BORCS5: variants seen among roughly 807,000 people sequenced by gnomAD.
BORCS5 encodes BLOC-1 related complex subunit 5.
Under a neutral mutation model 22.1 loss-of-function variants are expected in BORCS5, and 17 were observed. That is an observed-to-expected ratio of 0.77 (90% confidence interval 0.53 to 1.15). The LOEUF (loss-of-function observed/expected upper bound fraction) is 1.15. BORCS5 is among the 50% of genes most tolerant of loss of function. The pLI is 0.00. For synonymous variants in BORCS5, 117 were observed against 99.8 expected, an observed-to-expected ratio of 1.17 and a Z score of -1.03; for missense variants, 247 against 253.2, an observed-to-expected ratio of 0.98 and a Z score of 0.17.
At chr12:12,456,632 C>T (rs1395338842) in intron 3 of BORCS5, among the ~76,000 whole-genome samples, 2 of 152,004 alleles carry the variant, frequency 1.3e-5, no homozygotes, top group Non-Finnish European at 2.9e-5. Context: ...CGCATGTACG[C>T]CTATGTATTT....
chr12:12,378,082 C>T (rs1177344795), intron 2 of BORCS5, among the ~76,000 whole-genome samples: 1 of 152,102 alleles, frequency 6.6e-6, no homozygotes, highest in Non-Finnish European at 1.5e-5. Context: ...GTTTTAAAGT[C>T]TATTATAGGC....
At chr12:12,357,882 T>C (rs1592045502) in intron 1 of BORCS5, among the ~76,000 whole-genome samples, 1 of 152,348 alleles carries the variant, frequency 6.6e-6, no homozygotes, top group East Asian at 1.9e-4. Flanking sequence ...GTCTGTTTCT[T>C]AAAAACGGGT....
chr12:12,452,635 CT>C (rs1942933100), intron 3 of BORCS5, among the ~76,000 whole-genome samples: 1 of 152,224 alleles, frequency 6.6e-6, no homozygotes, highest in South Asian at 2.1e-4. Context: ...TTGCAAACTA[CT>C]GTCTTCAGAA....
chr12:12,366,365 T>C (rs1186200042), intron 2 of BORCS5, among the ~76,000 whole-genome samples: 1 of 152,206 alleles, frequency 6.6e-6, no homozygotes, highest in Non-Finnish European at 1.5e-5. Context: ...TGAGGTAATG[T>C]TTGCATTTTT....
intron 2 of BORCS5, among the ~76,000 whole-genome samples, chr12:12,366,386 C>G (rs1354264078): frequency 6.6e-6 from 1 of 152,158 alleles, no homozygotes; most frequent in Non-Finnish European, 1.5e-5. Context: ...AATAAGCAAG[C>G]AGATTCTTTC....
At chr12:12,458,754 T>C (rs959320502) in intron 3 of BORCS5, among the ~76,000 whole-genome samples, 1 of 151,258 alleles carries the variant, frequency 6.6e-6, no homozygotes, top group Non-Finnish European at 1.5e-5. Flanking sequence ...AGGTGGATCA[T>C]GTGGTCAGGA....
At chr12:12,365,219 G>A (rs977770177) in intron 2 of BORCS5, among the ~76,000 whole-genome samples, 1 of 152,164 alleles carries the variant, frequency 6.6e-6, no homozygotes, top group African/African-American at 2.4e-5. Context: ...TTTGGTTAAG[G>A]AAGGTAGAGA....
chr12:12,461,491 A>G (rs1943104166), intron 3 of BORCS5, among the ~76,000 whole-genome samples: 1 of 152,070 alleles, frequency 6.6e-6, no homozygotes, highest in Non-Finnish European at 1.5e-5. Flanking sequence ...ATCTGTCAGT[A>G]TAAGATTATA....
chr12:12,392,993 G>C, intron 2 of BORCS5, among the ~76,000 whole-genome samples: 1 of 152,092 alleles, frequency 6.6e-6, no homozygotes, highest in East Asian at 1.9e-4. Context: ...CAGCACTTTA[G>C]GAGGCTGAGG....
chr12:12,411,927 C>T (rs996396297), intron 2 of BORCS5, among the ~76,000 whole-genome samples: 2 of 152,166 alleles, frequency 1.3e-5, no homozygotes, highest in African/African-American at 2.4e-5. Flanking sequence ...CCCCAACAAT[C>T]ATATGACTTT....
chr12:12,384,002 A>G (rs181450824), intron 2 of BORCS5, among the ~76,000 whole-genome samples: 36 of 150,598 alleles, frequency 2.4e-4, no homozygotes, highest in Admixed American at 2.2e-3. Context: ...GATAATTTCT[A>G]TTTTCAGGTT....
chr12:12,392,112 ATTGT>A (rs371949550), intron 2 of BORCS5, among the ~76,000 whole-genome samples: 43 of 151,576 alleles, frequency 2.8e-4, no homozygotes, highest in African/African-American at 9.7e-4. Context: ...AACGATCATA[ATTGT>A]TTAAGTTAAA....
intron 3 of BORCS5, among the ~76,000 whole-genome samples, chr12:12,454,862 C>G (rs1054720929): frequency 6.6e-6 from 1 of 152,180 alleles, no homozygotes; most frequent in Admixed American, 6.5e-5. Context: ...ATTATCCCCA[C>G]TTTTAAAAAG....
At chr12:12,385,248 C>T (rs542317936) in intron 2 of BORCS5, among the ~76,000 whole-genome samples, 1 of 151,572 alleles carries the variant, frequency 6.6e-6, no homozygotes, top group South Asian at 2.1e-4. Context: ...TTGCCCTGAC[C>T]ACGACCACAA....
chr12:12,393,811 G>A (rs568225574), intron 2 of BORCS5, among the ~76,000 whole-genome samples: 4 of 151,696 alleles, frequency 2.6e-5, no homozygotes, highest in South Asian at 2.1e-4. Context: ...GTGAGCCATC[G>A]CGCCCGGCCT....
At chr12:12,437,866 G>A (rs541603277) in intron 3 of BORCS5, among the ~76,000 whole-genome samples, 1 of 152,192 alleles carries the variant, frequency 6.6e-6, no homozygotes, top group South Asian at 2.1e-4. Context: ...GGGCAGAAGC[G>A]ATTCTCCAAC....
Position 12,437,154 on chromosome 12 carries a change from C to T in BORCS5, c.360+1369C>T, listed in dbSNP as rs767453636. ...ATTCCCACATGTCATGGGAGGGACC[C>T]AGTGGGAGGTAATTGAGTCATGGGG... On this transcript the variant is annotated intron_variant, in intron 3 of 3. Transcript: ENST00000314565. Among the ~76,000 whole-genome samples, 9 of 152,258 alleles carry T rather than the reference C, an allele frequency of 5.9e-5. No individual in the cohort carries two copies. In the South Asian group the frequency reaches 8.3e-4, roughly 14 times the overall value.
At chr12:12,438,371 A>AAAAAAAAAAAAAAAC (rs1565915549) in intron 3 of BORCS5, among the ~76,000 whole-genome samples, 2 of 117,050 alleles carry the variant, frequency 1.7e-5, no homozygotes, top group African/African-American at 9.0e-5. Flanking sequence ...AAAAAAAAAA[A>AAAAAAAAAAAAAAAC]AAAAAAAAAC....
chr12:12,428,796 T>C (rs568967425), intron 2 of BORCS5, among the ~76,000 whole-genome samples: 2 of 152,270 alleles, frequency 1.3e-5, no homozygotes, highest in Non-Finnish European at 2.9e-5. Context: ...TGACAAAATA[T>C]TAGTTGTTGA....
Sources: allele counts gnomAD v4.1 joint callset (sites outside exome capture counted in the v4.1 genomes callset), GRCh38; gene constraint gnomAD v4.1.1; transcripts MANE v1.5; gene names NCBI Gene and HGNC (gene_info 2026-07-23, HGNC 2026-07-21).